CFAP61: variants seen among roughly 807,000 people sequenced by gnomAD.
CFAP61 encodes the protein cilia- and flagella-associated protein 61.
In CFAP61, 107 loss-of-function variants were observed where a neutral mutation model predicts 135.6. The ratio of observed to expected loss-of-function variants is 0.79; its 90% CI spans 0.67 to 0.93. CFAP61 has a LOEUF of 0.93. Ranked by LOEUF, CFAP61 falls within the 40% of genes least tolerant of loss-of-function variation. CFAP61 has a pLI of 0.00. For missense variants in CFAP61, 1,507 were observed against 1,556.2 expected, an observed-to-expected ratio of 0.97 and a Z score of 0.53; for synonymous variants, 575 against 578.5, an observed-to-expected ratio of 0.99 and a Z score of 0.09.
At chr20:20,353,960 C>A (rs1490125970) in intron 26 of CFAP61, among the ~76,000 whole-genome samples, 1 of 152,246 alleles carries the variant, frequency 6.6e-6, no homozygotes, top group South Asian at 2.1e-4. Flanking sequence ...ATCCAGCAAT[C>A]TCACTTTTGG....
intron 2 of CFAP61, among the ~76,000 whole-genome samples, chr20:20,059,433 A>T (rs6035540): frequency 0.044 from 6,645 of 150,654 alleles, 512 homozygotes; most frequent in African/African-American, 0.15. Flanking sequence ...CCTGGCCTAT[A>T]TGGCAAAACC....
chr20:20,073,512 T>C (rs933252159), intron 3 of CFAP61, among the ~76,000 whole-genome samples: 2 of 152,166 alleles, frequency 1.3e-5, no homozygotes, highest in Non-Finnish European at 2.9e-5. Context: ...TGTCCTGATA[T>C]AGGTACCAGC....
chr20:20,098,306 G>A (rs2047733360), intron 7 of CFAP61, among the ~76,000 whole-genome samples: 1 of 152,134 alleles, frequency 6.6e-6, no homozygotes, highest in Non-Finnish European at 1.5e-5. Context: ...TTTGACCTCT[G>A]ATAAAGTAAT....
chr20:20,217,427 CAT>C (rs775268490), intron 17 of CFAP61, among the ~76,000 whole-genome samples: 78 of 152,264 alleles, frequency 5.1e-4, no homozygotes, highest in Non-Finnish European at 6.8e-4. Context: ...TCACAGGACA[CAT>C]GTGTGTTGAA....
At chr20:20,105,239 A>T (rs1383466505) in intron 8 of CFAP61, among the ~76,000 whole-genome samples, 2 of 152,018 alleles carry the variant, frequency 1.3e-5, no homozygotes, top group Non-Finnish European at 2.9e-5. Flanking sequence ...TGGGCTTCTC[A>T]TTGTTCCTGG....
chr20:20,290,357 C>A lies in CFAP61; in HGVS notation c.3182C>A (p.Thr1061Asn). The A allele has an allele frequency of 1.9e-6, 3 of 1,612,684 alleles. No individual in the cohort carries two copies. Among genetic ancestry groups the A allele is most frequent in the Non-Finnish European group, 2.5e-6 (3 of 1,178,624 alleles). ...YLHIAKPAIP[T>N]PLEVQMAQPN... Reference sequence around the variant, plus strand: ...CATATTGCCAAGCCTGCCATTCCAACTCCCTTGGAGGTACAAATGGCACAG... The same window carrying A: ...CATATTGCCAAGCCTGCCATTCCAAATCCCTTGGAGGTACAAATGGCACAG... Residue 1061 changes from threonine (T) to asparagine (N), a missense_variant, in exon 24 of 27, where the codon ACT (threonine) becomes AAT (asparagine). Coordinates refer to ENST00000245957, the MANE Select transcript of CFAP61 (RefSeq NM_015585.4).
intron 8 of CFAP61, among the ~76,000 whole-genome samples, chr20:20,110,327 T>G (rs918799976): frequency 2.0e-5 from 3 of 152,060 alleles, no homozygotes; most frequent in Non-Finnish European, 4.4e-5. Flanking sequence ...GTTTGGTGGT[T>G]GTTAAGCTCT....
At chr20:20,296,479 TCCTC>T (rs1352375240) in intron 24 of CFAP61, among the ~76,000 whole-genome samples, 4 of 137,910 alleles carry the variant, frequency 2.9e-5, no homozygotes, top group Non-Finnish European at 4.8e-5. Context: ...CCTTTCTTTT[TCCTC>T]CCTCCCTCCT....
chr20:20,191,457 C>T (rs1171841618), intron 15 of CFAP61, 38 bp downstream of exon 15: 1 of 1,489,280 alleles, frequency 6.7e-7, no homozygotes, highest in Non-Finnish European at 9.3e-7. Flanking sequence ...TTTGATTGTG[C>T]CTTGCTATAT....
chr20:20,067,285 A>C (rs2045343961), intron 2 of CFAP61, among the ~76,000 whole-genome samples: 1 of 152,124 alleles, frequency 6.6e-6, no homozygotes, highest in Non-Finnish European at 1.5e-5. Flanking sequence ...TCCAACATTT[A>C]AAAATATGCC....
chr20:20,199,661 C>A, intron 16 of CFAP61, 107 bp from the exon 17 acceptor site: 3 of 1,262,856 alleles, frequency 2.4e-6, no homozygotes, highest in Non-Finnish European at 3.3e-6. Context: ...TTTTTCCTCT[C>A]TGACTTGGCC....
chr20:20,165,175 A>G (rs1391718454), intron 11 of CFAP61, among the ~76,000 whole-genome samples: 1 of 152,152 alleles, frequency 6.6e-6, no homozygotes, highest in Non-Finnish European at 1.5e-5. Context: ...TGACATTCTC[A>G]GGTCTCAGGT....
intron 26 of CFAP61, among the ~76,000 whole-genome samples, chr20:20,349,731 T>C (rs1182548182): frequency 1.3e-5 from 2 of 152,194 alleles, no homozygotes; most frequent in Non-Finnish European, 2.9e-5. Context: ...AAAACATTTT[T>C]GAAAGAAGTG....
At chr20:20,315,473 C>T (rs561431850) in intron 25 of CFAP61, among the ~76,000 whole-genome samples, 3 of 152,266 alleles carry the variant, frequency 2.0e-5, no homozygotes, top group Admixed American at 6.5e-5. Context: ...AAAATTTTCT[C>T]GCATTGTGTA....
chr20:20,054,710 G>T (rs574390226), intron 1 of CFAP61, among the ~76,000 whole-genome samples: 1 of 152,120 alleles, frequency 6.6e-6, no homozygotes, highest in Non-Finnish European at 1.5e-5. Context: ...GCTAACCCCC[G>T]TGCTACTGGC....
At chr20:20,078,746 A>T (rs1235212654) in intron 6 of CFAP61, among the ~76,000 whole-genome samples, 1 of 152,222 alleles carries the variant, frequency 6.6e-6, no homozygotes, top group Non-Finnish European at 1.5e-5. Flanking sequence ...ATTAAGACTC[A>T]TAAAGTGGCA....
chr20:20,162,030 G>A (rs561390797), intron 10 of CFAP61, among the ~76,000 whole-genome samples: 22 of 152,310 alleles, frequency 1.4e-4, no homozygotes, highest in African/African-American at 4.8e-4. Context: ...TGAGCTTCAG[G>A]TGTAGACAGG....
intron 13 of CFAP61, among the ~76,000 whole-genome samples, chr20:20,173,460 A>C (rs960332683): frequency 2.0e-5 from 3 of 152,128 alleles, no homozygotes; most frequent in Non-Finnish European, 4.4e-5. Flanking sequence ...AGTGTTTTGG[A>C]TTTTGGCCAT....
At chr20:20,276,939 A>G (rs565829698) in intron 21 of CFAP61, among the ~76,000 whole-genome samples, 15 of 152,368 alleles carry the variant, frequency 9.8e-5, no homozygotes, top group Non-Finnish European at 1.8e-4. Context: ...TTAGAGGAAC[A>G]TAAATGAATG....
Sources: allele counts gnomAD v4.1 joint callset (sites outside exome capture counted in the v4.1 genomes callset), GRCh38; gene constraint gnomAD v4.1.1; transcripts MANE v1.5; gene names NCBI Gene and HGNC (gene_info 2026-07-23, HGNC 2026-07-21).